The following CHN2 variants were observed in gnomAD, a reference collection of about 807,000 sequenced individuals.
CHN2 encodes beta-chimaerin.
A neutral mutation model predicts 56.3 loss-of-function variants in CHN2; 35 were observed. The ratio of observed to expected loss-of-function variants is 0.62; its 90% CI spans 0.47 to 0.82. The LOEUF (loss-of-function observed/expected upper bound fraction) is 0.82. Among genes scored for constraint, CHN2 ranks in the 40% least tolerant of loss-of-function variants. CHN2 has a pLI of 0.00. For missense variants in CHN2, 491 were observed against 580.5 expected (o/e 0.85, Z 1.58); for synonymous variants, 210 against 212.8 (o/e 0.99, Z 0.12).
intron 1 of CHN2, among the ~76,000 whole-genome samples, chr7:29,245,434 A>G (rs1357398695): frequency 1.3e-5 from 2 of 152,196 alleles, no homozygotes; most frequent in African/African-American, 4.8e-5. Flanking sequence ...TGGGCAAAAC[A>G]AGGTGGTAGG....
At chr7:29,241,251 G>A (rs1318300638) in intron 1 of CHN2, among the ~76,000 whole-genome samples, 6 of 152,058 alleles carry the variant, frequency 3.9e-5, no homozygotes, top group South Asian at 2.1e-4. Context: ...ATTCAGGCTC[G>A]CAGACAATTT....
intron 1 of CHN2, among the ~76,000 whole-genome samples, chr7:29,291,434 G>A (rs1317066177): frequency 6.6e-6 from 1 of 151,956 alleles, no homozygotes; most frequent in Non-Finnish European, 1.5e-5. Flanking sequence ...ACTCCCTACT[G>A]TAACAAAGGT....
chr7:29,510,838 T>C (rs1216682804), intron 12 of CHN2, among the ~76,000 whole-genome samples: 1 of 152,096 alleles, frequency 6.6e-6, no homozygotes, highest in East Asian at 1.9e-4. Flanking sequence ...TCTCAGAGAG[T>C]ACCTGCCACA....
At position 29,398,370 on chromosome 7, in the gene CHN2, C is replaced by T. The variant is rs576269534; in HGVS notation, c.177-3C>T. The T allele has an allele frequency of 7.5e-6, 12 of 1,605,400 alleles. 1 individual carries two copies. The South Asian group carries it at 1.3e-4, about 18-fold the overall frequency. ...CAGAGCATTGATGGTCTTGTACCTT[C>T]AGGTTTCATGGGATCATCTCTCGGG... On this transcript the variant is annotated splice_polypyrimidine_tract_variant and splice_region_variant and intron_variant, in intron 4 of 12. Transcript: ENST00000222792.
chr7:29,509,434 T>C lies in CHN2; in HGVS notation c.1235+28T>C, dbSNP rs762686738. Reference sequence around the variant, plus strand: ...AAGCTCATGTCTCGTGCACAAAGCCTGCTCTGCTCCTAGAGCGGTTAATGC... The same window carrying C: ...AAGCTCATGTCTCGTGCACAAAGCCCGCTCTGCTCCTAGAGCGGTTAATGC... On this transcript the variant is annotated intron_variant, in intron 12 of 12. Transcript: ENST00000222792. 40 of 1,556,502 alleles carry C rather than the reference T, an allele frequency of 2.6e-5. No homozygotes were observed. In the Middle Eastern group the frequency reaches 2.5e-3, roughly 98 times the overall value.
In CHN2 at chr7:29,400,669, A is replaced by AG; in HGVS notation, c.418dup (p.Ala140GlyfsTer11). 1 of 1,614,208 alleles carries AG rather than the reference A, an allele frequency of 6.2e-7. No homozygotes were observed. Among genetic ancestry groups the AG allele is most frequent in the Non-Finnish European group, 8.5e-7 (1 of 1,180,042 alleles). The stretch of plus-strand genomic sequence containing the variant: ...TGATAACACTGTACATAGAAACAAA[A>AG]GCTGCCGAGTACATTTCAAAAATGA... On this transcript the variant is annotated frameshift_variant, in exon 6 of 13. Transcript: ENST00000222792. LOFTEE classifies it high-confidence loss of function.
chr7:29,298,970 A>G (rs945636326), intron 1 of CHN2, among the ~76,000 whole-genome samples: 10 of 152,152 alleles, frequency 6.6e-5, no homozygotes, highest in Non-Finnish European at 1.0e-4. Flanking sequence ...AAGGATAACT[A>G]TTTTTACCAA....
intron 1 of CHN2, among the ~76,000 whole-genome samples, chr7:29,321,542 G>A (rs560891189): frequency 6.7e-5 from 10 of 150,304 alleles, no homozygotes; most frequent in East Asian, 2.0e-4. Flanking sequence ...TGCTTGAACC[G>A]TCTTTTCTTT....
intron 6 of CHN2, among the ~76,000 whole-genome samples, chr7:29,411,982 GCCA>G (rs1421439566): frequency 6.6e-6 from 1 of 152,156 alleles, no homozygotes; most frequent in Non-Finnish European, 1.5e-5. Context: ...TCAGCTCCCT[GCCA>G]CCTCTGCTGT....
chr7:29,295,752 C>T (rs772733946), intron 1 of CHN2, among the ~76,000 whole-genome samples: 2 of 152,188 alleles, frequency 1.3e-5, no homozygotes, highest in Non-Finnish European at 2.9e-5. Flanking sequence ...TAAGAGCAGG[C>T]AAGTGCTTTT....
intron 2 of CHN2, among the ~76,000 whole-genome samples, chr7:29,163,019 A>G (rs1028087616): frequency 3.3e-5 from 5 of 152,222 alleles, no homozygotes; most frequent in Admixed American, 1.3e-4. Context: ...GTACCAATCA[A>G]TATCCTTGTT....
chr7:29,378,959 G>T (rs1023420022), intron 3 of CHN2, among the ~76,000 whole-genome samples: 1 of 152,188 alleles, frequency 6.6e-6, no homozygotes, highest in Admixed American at 6.5e-5. Flanking sequence ...GCGAGACTCC[G>T]TCTCGAAAGA....
chr7:29,218,785 A>G (rs1215891508), intron 1 of CHN2, among the ~76,000 whole-genome samples: 19 of 138,212 alleles, frequency 1.4e-4, no homozygotes, highest in African/African-American at 4.9e-4. Context: ...GGGGAACATC[A>G]CACACCAGGG....
intron 1 of CHN2, among the ~76,000 whole-genome samples, chr7:29,313,666 A>C (rs1244749103): frequency 6.6e-6 from 1 of 152,094 alleles, no homozygotes; most frequent in East Asian, 1.9e-4. Context: ...GAAAACATTC[A>C]CTCCTACAAT....
At chr7:29,493,251 A>G (rs1788854039) in intron 7 of CHN2, among the ~76,000 whole-genome samples, 2 of 152,162 alleles carry the variant, frequency 1.3e-5, no homozygotes, top group South Asian at 2.1e-4. Flanking sequence ...GCAATAGGCT[A>G]TACCATATAC....
intron 1 of CHN2, among the ~76,000 whole-genome samples, chr7:29,272,522 T>C (rs1790741403): frequency 6.6e-6 from 1 of 151,010 alleles, no homozygotes; most frequent in South Asian, 2.1e-4. Flanking sequence ...ACCAAGAAAA[T>C]GGGTGAATCT....
chr7:29,480,055 C>T, intron 6 of CHN2: 2 of 1,543,338 alleles, frequency 1.3e-6, no homozygotes, highest in Admixed American at 2.0e-5. Context: ...ATCCTGACAG[C>T]ACAGGGCTTC....
intron 6 of CHN2, among the ~76,000 whole-genome samples, chr7:29,426,026 T>C (rs1804827350): frequency 6.6e-6 from 1 of 151,852 alleles, no homozygotes; most frequent in South Asian, 2.1e-4. Flanking sequence ...CTGGCCAACA[T>C]GGTGAAACCT....
At chr7:29,459,851 A>G (rs1785024222) in intron 6 of CHN2, among the ~76,000 whole-genome samples, 3 of 152,206 alleles carry the variant, frequency 2.0e-5, no homozygotes, top group Admixed American at 6.5e-5. Flanking sequence ...TATCGTTACC[A>G]TTAGAAACCA....
Sources: gnomAD v4.1 joint callset for allele counts (sites outside exome capture counted in the v4.1 genomes callset) on GRCh38, gnomAD v4.1.1 for gene constraint, MANE v1.5 for transcripts, NCBI Gene and HGNC (gene_info 2026-07-23, HGNC 2026-07-21) for gene names.